Variants in CD8B observed in about 807,000 individuals in gnomAD.
CD8B encodes the protein T-cell surface glycoprotein CD8 beta chain.
In CD8B, 6 loss-of-function variants were observed where a neutral mutation model predicts 24.2. The ratio of observed to expected loss-of-function variants is 0.25; its 90% CI spans 0.14 to 0.49. The LOEUF (loss-of-function observed/expected upper bound fraction) is 0.49, where lower values mean the gene tolerates loss of function less well. Among genes scored for constraint, CD8B ranks in the 20% least tolerant of loss-of-function variants. The probability of loss-of-function intolerance (pLI) is 0.98; values close to 1 mark genes in which losing one functional copy is unlikely to be tolerated. For synonymous variants in CD8B, 84 were observed against 108.3 expected (o/e 0.78, Z 1.39); for missense variants, 196 against 271.3 (o/e 0.72, Z 1.95).
In CD8B at chr2:86,845,031, G is replaced by A; in HGVS notation, c.584-73C>T. The A allele has an allele frequency of 5.2e-6, 8 of 1,548,660 alleles. No individual in the cohort carries two copies. In the South Asian group the frequency reaches 8.3e-5, roughly 16 times the overall value. ...TGCGCTGAGCCCCAGAGGCCAAGGA[G>A]GATTGTCACAGGGGCAGCTGACACC... On this transcript the variant is annotated intron_variant, in intron 4 of 5. Coordinates refer to ENST00000390655, the MANE Select transcript of CD8B (RefSeq NM_004931.5).
intron 5 of CD8B, chr2:86,833,124 T>A (rs1260201940): frequency 3.3e-6 from 1 of 305,426 alleles, no homozygotes; most frequent in Non-Finnish European, 6.6e-6. Flanking sequence ...AAAGGATAGT[T>A]TAAATAATTC....
chr2:86,834,755 T>C (rs1675102823), downstream of CD8B, among the ~76,000 whole-genome samples: 9 of 151,890 alleles, frequency 5.9e-5, no homozygotes, highest in South Asian at 1.9e-3. Flanking sequence ...ACCAACATGG[T>C]GAAACCCCGT....
In CD8B at chr2:86,840,674, T is replaced by C. The variant is rs1675380963; in HGVS notation, c.*1633A>G. Among the ~76,000 whole-genome samples, 1 of 152,206 alleles carries C rather than the reference T, an allele frequency of 6.6e-6. No individual in the cohort carries two copies. The highest frequency in any genetic ancestry group is 2.4e-5 in the African/African-American group (1 of 41,456). ...TGGAGTGCTTTCTCACTTCAATAAATTCTTCCTTTTGCTGCTTTTATTCCT... is the reference window on the plus strand; with the variant it reads ...TGGAGTGCTTTCTCACTTCAATAAACTCTTCCTTTTGCTGCTTTTATTCCT... On this transcript the variant is annotated 3_prime_UTR_variant, in exon 6 of 6. Transcript: ENST00000390655.
chr2:86,835,369 T>G (rs2104526855), downstream of CD8B, among the ~76,000 whole-genome samples: 3 of 152,306 alleles, frequency 2.0e-5, 1 homozygote, highest in South Asian at 6.2e-4. Context: ...GGGTAGGTAC[T>G]CGGATAGAGG....
intron 5 of CD8B, among the ~76,000 whole-genome samples, chr2:86,828,306 TTGTGTGTGTGTGTG>T (rs72236144): frequency 1.4e-5 from 2 of 143,428 alleles, no homozygotes; most frequent in Admixed American, 7.0e-5. Context: ...ATAACTGGAA[TTGTGTGTGTGTGTG>T]TGTGTGTGTG....
At chr2:86,820,369 G>A (rs1353693093) in intron 5 of CD8B, among the ~76,000 whole-genome samples, 1 of 152,152 alleles carries the variant, frequency 6.6e-6, no homozygotes, top group African/African-American at 2.4e-5. Flanking sequence ...CCTATTTTAC[G>A]AAATTGGCAC....
intron 2 of CD8B, among the ~76,000 whole-genome samples, chr2:86,853,901 G>A (rs528166530): frequency 6.5e-4 from 99 of 151,884 alleles, no homozygotes; most frequent in African/African-American, 2.2e-3. Context: ...CACTGCATTC[G>A]TCTAATTTTT....
At chr2:86,855,762 G>A (rs531114943) in intron 2 of CD8B, among the ~76,000 whole-genome samples, 4 of 152,152 alleles carry the variant, frequency 2.6e-5, no homozygotes, top group Non-Finnish European at 4.4e-5. Context: ...TTTTCTACCC[G>A]AGGAAGCAGG....
At chr2:86,844,089 G>A (rs1166426452) in intron 5 of CD8B, among the ~76,000 whole-genome samples, 1 of 152,198 alleles carries the variant, frequency 6.6e-6, no homozygotes, top group Admixed American at 6.5e-5. Flanking sequence ...ATGCTGCCCT[G>A]GCCCAGGATG....
At position 86,839,919 on chromosome 2, in the gene CD8B, C is replaced by A. The variant is rs1316811413; in HGVS notation, c.*2388G>T. Among the ~76,000 whole-genome samples the A allele has an allele frequency of 1.3e-5, 2 of 152,160 alleles. No homozygotes were observed. The highest frequency in any genetic ancestry group is 2.4e-5 in the African/African-American group (1 of 41,444). On this transcript the variant is annotated 3_prime_UTR_variant, in exon 6 of 6. Transcript: ENST00000390655. ...CCTGAAACACGAACCCTAGAGGAGT[C>A]TGGTCCAGCTGACCCCAATTCTTTC...
At chr2:86,845,234 T>G (rs1226973708) in intron 4 of CD8B, among the ~76,000 whole-genome samples, 1 of 152,188 alleles carries the variant, frequency 6.6e-6, no homozygotes, top group Non-Finnish European at 1.5e-5. Flanking sequence ...ATGCAGCTAG[T>G]AAGTGGGAAA....
At chr2:86,823,371 G>A (rs762040579) in intron 5 of CD8B, among the ~76,000 whole-genome samples, 5 of 152,036 alleles carry the variant, frequency 3.3e-5, no homozygotes, top group African/African-American at 4.8e-5. Flanking sequence ...CCTTCACCTC[G>A]TGGGCTCAAG....
intron 5 of CD8B, among the ~76,000 whole-genome samples, chr2:86,825,877 C>T (rs1483621670): frequency 1.3e-5 from 2 of 152,122 alleles, no homozygotes; most frequent in South Asian, 2.1e-4. Context: ...GCTGCATGCT[C>T]AACATGGTGT....
downstream of CD8B, among the ~76,000 whole-genome samples, chr2:86,836,928 G>T (rs891226574): frequency 6.6e-6 from 1 of 152,188 alleles, no homozygotes; most frequent in Admixed American, 6.5e-5. Context: ...GGCCGAGATG[G>T]ATGGATTGCT....
chr2:86,816,415 T>G (rs1193650550), intron 5 of CD8B, among the ~76,000 whole-genome samples: 1 of 152,162 alleles, frequency 6.6e-6, no homozygotes, highest in East Asian at 1.9e-4. Context: ...CAGATTTTGC[T>G]CACAAGCTGA....
chr2:86,847,227 A>G (rs907357414), intron 3 of CD8B, among the ~76,000 whole-genome samples: 1 of 151,934 alleles, frequency 6.6e-6, no homozygotes, highest in Non-Finnish European at 1.5e-5. Context: ...CTGAGCCACC[A>G]TGTCCGGCCA....
At chr2:86,848,797 A>G (rs1308246899) in intron 3 of CD8B, among the ~76,000 whole-genome samples, 2 of 149,886 alleles carry the variant, frequency 1.3e-5, no homozygotes, top group African/African-American at 5.0e-5. Context: ...ACTCACCGCA[A>G]CCTCTGCCTC....
chr2:86,859,991 C>G (rs868461750), intron 1 of CD8B, among the ~76,000 whole-genome samples: 1 of 149,142 alleles, frequency 6.7e-6, no homozygotes, highest in African/African-American at 2.5e-5. Flanking sequence ...ATGATGGGGC[C>G]GGGTGTGGTG....
In CD8B at chr2:86,856,417, A is replaced by G. The variant is rs535487478; in HGVS notation, c.403+1640T>C. 1.1e-4 allele frequency among the ~76,000 whole-genome samples: 16 copies of G among 152,282 alleles called. No individual in the cohort carries two copies. In the South Asian group the frequency reaches 2.1e-3, roughly 20 times the overall value. ...CCAAACTCCCAAAGTCCATTTTTCA[A>G]TACGAAAATCAGTGGACCCCCACGT... On this transcript the variant is annotated intron_variant, in intron 2 of 5. Transcript: ENST00000390655.
Sources: gnomAD v4.1 joint callset for allele counts (sites outside exome capture counted in the v4.1 genomes callset) on GRCh38, gnomAD v4.1.1 for gene constraint, MANE v1.5 for transcripts, NCBI Gene and HGNC (gene_info 2026-07-23, HGNC 2026-07-21) for gene names.